Variants in TP63 observed in about 807,000 individuals in gnomAD.
TP63 encodes the protein tumor protein 63.
Under a neutral mutation model 82.8 loss-of-function variants are expected in TP63, and 17 were observed. The observed-to-expected ratio is 0.21, with a 90% CI of 0.14 to 0.31. The LOEUF (loss-of-function observed/expected upper bound fraction) is 0.31, where lower values mean the gene tolerates loss of function less well. TP63 is among the 10% of genes least tolerant of loss of function. TP63 has a pLI of 1.00. For missense variants in TP63, 648 were observed against 895.3 expected (o/e 0.72, Z 3.52); for synonymous variants, 330 against 321.7 (o/e 1.03, Z -0.28).
chr3:189,613,464 G>A, the TP63 span, among the ~76,000 whole-genome samples: 1 of 152,224 alleles, frequency 6.6e-6, no homozygotes, highest in African/African-American at 2.4e-5. Flanking sequence ...GGATGCCCAG[G>A]AAGAAGTTTG....
At chr3:189,661,695 T>C (rs990538029) in intron 1 of TP63, among the ~76,000 whole-genome samples, 3 of 151,788 alleles carry the variant, frequency 2.0e-5, no homozygotes, top group Non-Finnish European at 4.4e-5. Context: ...CTGTGAATTA[T>C]GTAGTCAGGC....
At chr3:189,782,249 G>C (rs1371626333) in intron 3 of TP63, among the ~76,000 whole-genome samples, 1 of 152,168 alleles carries the variant, frequency 6.6e-6, no homozygotes, top group Non-Finnish European at 1.5e-5. Context: ...GTGAACTTGA[G>C]TGAATACTTA....
intron 1 of TP63, among the ~76,000 whole-genome samples, chr3:189,733,448 G>C (rs771422698): frequency 6.6e-6 from 1 of 152,096 alleles, no homozygotes; most frequent in Admixed American, 6.5e-5. Context: ...TATCATTATT[G>C]TTGAGAGCCT....
At chr3:189,815,367 G>T (rs1728067152) in intron 4 of TP63, among the ~76,000 whole-genome samples, 1 of 152,086 alleles carries the variant, frequency 6.6e-6, no homozygotes, top group Non-Finnish European at 1.5e-5. Flanking sequence ...TTGGAGTCAG[G>T]GAGGTAGCAT....
chr3:189,679,212 A>G (rs559179638), intron 1 of TP63, among the ~76,000 whole-genome samples: 1 of 152,106 alleles, frequency 6.6e-6, no homozygotes, highest in South Asian at 2.1e-4. Flanking sequence ...AAACTTTTAT[A>G]CTGGTTTTCA....
intron 4 of TP63, among the ~76,000 whole-genome samples, chr3:189,848,897 G>GGC (rs1715281550): frequency 6.6e-6 from 1 of 152,134 alleles, no homozygotes; most frequent in Non-Finnish European, 1.5e-5. Context: ...TGCTAATGCT[G>GGC]GCTCATGGGT....
At chr3:189,890,910 T>C (rs1720951685) in intron 13 of TP63, 28 bp downstream of exon 13, 1 of 1,600,772 alleles carries the variant, frequency 6.2e-7, no homozygotes, top group Admixed American at 1.7e-5. Flanking sequence ...TTTTCTCAAA[T>C]TTTATTTCTT....
intron 1 of TP63, among the ~76,000 whole-genome samples, chr3:189,683,981 C>T (rs1716194845): frequency 6.6e-6 from 1 of 152,172 alleles, no homozygotes; most frequent in South Asian, 2.1e-4. Context: ...GGTTTGATTA[C>T]ACCCTGGACA....
chr3:189,688,282 T>C (rs1716603725), intron 1 of TP63, among the ~76,000 whole-genome samples: 1 of 152,228 alleles, frequency 6.6e-6, no homozygotes, highest in Non-Finnish European at 1.5e-5. Flanking sequence ...ACAATTTAAC[T>C]AAAGTCTCCA....
At chr3:189,636,909 A>G (rs563984939) in intron 1 of TP63, among the ~76,000 whole-genome samples, 23 of 152,304 alleles carry the variant, frequency 1.5e-4, no homozygotes, top group Admixed American at 4.6e-4. Context: ...GTTTATCATC[A>G]TGTATTTTAT....
At chr3:189,835,641 C>T (rs2082355748) in intron 4 of TP63, among the ~76,000 whole-genome samples, 2 of 152,004 alleles carry the variant, frequency 1.3e-5, no homozygotes, top group African/African-American at 2.4e-5. Context: ...GTGGGGAAGG[C>T]GGCTGGGTGC....
intron 10 of TP63, among the ~76,000 whole-genome samples, chr3:189,886,121 G>C (rs1035820772): frequency 2.6e-5 from 4 of 152,136 alleles, no homozygotes; most frequent in Non-Finnish European, 2.9e-5. Context: ...AAAAGAGGAG[G>C]CAAGAATTTT....
intron 4 of TP63, among the ~76,000 whole-genome samples, chr3:189,811,233 T>C (rs921569499): frequency 6.6e-6 from 1 of 152,220 alleles, no homozygotes; most frequent in East Asian, 1.9e-4. Flanking sequence ...TACTCTGTTT[T>C]CTTAAGGTGA....
intron 1 of TP63, among the ~76,000 whole-genome samples, chr3:189,651,456 G>A (rs1712880163): frequency 6.9e-6 from 1 of 145,036 alleles, no homozygotes; most frequent in Admixed American, 6.7e-5. Flanking sequence ...TGAATCAGGA[G>A]AATCGGTTGA....
chr3:189,880,103 C>T, intron 10 of TP63: 3 of 1,613,832 alleles, frequency 1.9e-6, no homozygotes, highest in Non-Finnish European at 2.5e-6. Context: ...TTGTGGAGCC[C>T]CGGAGAGAAA....
At chr3:189,784,314 G>C (rs897319037) in intron 3 of TP63, among the ~76,000 whole-genome samples, 2 of 152,054 alleles carry the variant, frequency 1.3e-5, no homozygotes, top group African/African-American at 2.4e-5. Flanking sequence ...TAAATGAACT[G>C]TAGGACATAC....
intron 13 of TP63, among the ~76,000 whole-genome samples, chr3:189,893,562 T>TA (rs1310346081): frequency 1.3e-5 from 2 of 152,244 alleles, no homozygotes; most frequent in Non-Finnish European, 2.9e-5. Flanking sequence ...TGCATTTTGA[T>TA]ACCTTGCTTT....
At chr3:189,783,879 A>G (rs1332899094) in intron 3 of TP63, among the ~76,000 whole-genome samples, 2 of 151,940 alleles carry the variant, frequency 1.3e-5, no homozygotes, top group Non-Finnish European at 2.9e-5. Context: ...ATAACTTGAT[A>G]TTATATCCAT....
At chr3:189,746,880 T>G (rs1232917848) in intron 3 of TP63, among the ~76,000 whole-genome samples, 1 of 148,964 alleles carries the variant, frequency 6.7e-6, no homozygotes, top group Non-Finnish European at 1.5e-5. Flanking sequence ...GATTGAAAGA[T>G]GGAAGAAAAA....
Sources: allele counts gnomAD v4.1 joint callset (sites outside exome capture counted in the v4.1 genomes callset), GRCh38; gene constraint gnomAD v4.1.1; transcripts MANE v1.5; gene names NCBI Gene and HGNC (gene_info 2026-07-23, HGNC 2026-07-21).